The following FAM149A variants were observed in gnomAD, a reference collection of about 807,000 sequenced individuals.
FAM149A encodes the protein protein FAM149A.
Under a neutral mutation model 78.2 loss-of-function variants are expected in FAM149A, and 71 were observed. The observed-to-expected ratio is 0.91, with a 90% CI of 0.75 to 1.11. The LOEUF is 1.11. Ranked by LOEUF, FAM149A falls within the 50% of genes least tolerant of loss-of-function variation. FAM149A has a pLI of 0.00. For synonymous variants in FAM149A, 446 were observed against 410.5 expected (o/e 1.09, Z -1.04); for missense variants, 1,036 against 971.0 (o/e 1.07, Z -0.89).
rs575756168 is a variant in FAM149A, at chr4:186,105,457, G to A, written c.381G>A (p.Ala127=). The A allele has an allele frequency of 2.5e-6, 3 of 1,214,960 alleles. No individual in the cohort carries two copies. The highest frequency in any genetic ancestry group is 3.1e-6 in the Non-Finnish European group (3 of 958,286). 75.3% of individuals were successfully genotyped at this position (1,214,960 alleles called of 1,614,324 possible). Residue 127 remains alanine (A), a synonymous_variant, in exon 1 of 14, where the codon GCG becomes GCA. Transcript: ENST00000389354. ...CCCCTGCTCGCCTGGTGGTCCCAGC[G>A]CGGCCGCCCTCGGGCCCCGGCGGGG...
chr4:186,149,132 A>G (rs1291550340), intron 1 of FAM149A, 41 bp from the exon 2 acceptor site: 1 of 1,245,276 alleles, frequency 8.0e-7, no homozygotes, highest in Non-Finnish European at 1.0e-6. Flanking sequence ...AAACTATATT[A>G]TTACATTAGG....
intron 1 of FAM149A, chr4:186,130,287 C>CTATA (rs1324375458): frequency 5.2e-5 from 2 of 38,226 alleles, no homozygotes; most frequent in African/African-American, 1.5e-4. Context: ...CTCTCTCTCT[C>CTATA]TCTCTCTATA....
At chr4:186,160,446 C>T (rs1734486358) in intron 8 of FAM149A, among the ~76,000 whole-genome samples, 1 of 148,970 alleles carries the variant, frequency 6.7e-6, no homozygotes, top group African/African-American at 2.5e-5. Context: ...ACATATATCC[C>T]ACACAAACAC....
intron 1 of FAM149A, chr4:186,117,675 G>A: frequency 2.0e-6 from 2 of 982,404 alleles, no homozygotes; most frequent in Non-Finnish European, 2.4e-6. Flanking sequence ...ACTAGGGAGA[G>A]CCTGGATACT....
intron 1 of FAM149A, chr4:186,127,523 T>G (rs1009066448): frequency 6.8e-5 from 67 of 985,306 alleles, no homozygotes; most frequent in Non-Finnish European, 8.1e-5. Context: ...GCTTTCAACG[T>G]TTGTTTTCTG....
At chr4:186,132,109 G>A (rs1031899400) in intron 1 of FAM149A, 18 of 985,258 alleles carry the variant, frequency 1.8e-5, no homozygotes, top group Non-Finnish European at 2.2e-5. Context: ...CACAGCAGAG[G>A]CTTGGTGATG....
Position 186,173,767 on chromosome 4 carries a change from G to A in FAM149A, c.*1780G>A, listed in dbSNP as rs540739204. The stretch of plus-strand genomic sequence containing the variant: ...TCCGTGGTCACAGCTCCATGTGTCC[G>A]GGGAAGATTGCTAATGCTTAGTTTC... On this transcript the variant is annotated 3_prime_UTR_variant, in exon 14 of 14. Transcript: ENST00000389354. Among the ~76,000 whole-genome samples the A allele has an allele frequency of 9.8e-5, 11 of 112,794 alleles. 3 individuals carry two copies. In the East Asian group the frequency reaches 1.1e-3, roughly 11 times the overall value. 74.0% of individuals were successfully genotyped at this position (112,794 alleles called of 152,430 possible).
chr4:186,152,845 A>G (rs548994087), intron 4 of FAM149A, among the ~76,000 whole-genome samples: 2 of 152,226 alleles, frequency 1.3e-5, no homozygotes, highest in Admixed American at 1.3e-4. Flanking sequence ...CGCCCGGCCA[A>G]AGGCAAGCTT....
chr4:186,135,451 G>A (rs1426735283), intron 1 of FAM149A, among the ~76,000 whole-genome samples: 1 of 152,170 alleles, frequency 6.6e-6, no homozygotes. Context: ...AAACCATGAT[G>A]TAGTGAATAC....
In FAM149A at chr4:186,164,988, G is replaced by A. The variant is rs1360864476; in HGVS notation, c.1890-356G>A. 6.6e-6 allele frequency among the ~76,000 whole-genome samples: 1 copy of A among 152,030 alleles called. No individual in the cohort carries two copies. Among genetic ancestry groups the A allele is most frequent in the Admixed American group, 6.5e-5 (1 of 15,268 alleles). ...ACGAGGGAAGCTGTGGCTTCAGAGG[G>A]GCCAGTGCCCACCCCCTTTGGTGAT... On this transcript the variant is annotated intron_variant, in intron 10 of 13. Transcript: ENST00000389354. This position sits in a 1 kb window ranked among gnomAD's most constrained non-coding sequence, Gnocchi z 4.0.
At chr4:186,124,153 A>G in intron 1 of FAM149A, 2 of 985,418 alleles carry the variant, frequency 2.0e-6, no homozygotes, top group Non-Finnish European at 2.4e-6. Context: ...CATCTACAGA[A>G]TAATCCTGTG....
At position 186,134,149 on chromosome 4, in the gene FAM149A, CTTTT is replaced by C. The variant is rs1374736028; in HGVS notation, c.567-15022_567-15019del. ...TCACCAAAACTTACTTTCTTTATCTCTTTTTAAACAGCCACTCTAATGAGTTTAA... is the reference window on the plus strand; with the variant it reads ...TCACCAAAACTTACTTTCTTTATCTCTAAACAGCCACTCTAATGAGTTTAA... On this transcript the variant is annotated intron_variant, in intron 1 of 13. Coordinates refer to ENST00000389354, the MANE Select transcript of FAM149A (RefSeq NM_001367768.3). Among the ~76,000 whole-genome samples the C allele has an allele frequency of 3.9e-5, 6 of 152,290 alleles. No homozygotes were observed. In the South Asian group the frequency reaches 1.2e-3, roughly 32 times the overall value.
rs1423637512 is a variant in FAM149A, at chr4:186,158,439, C to T, written c.1575+720C>T. 11 of 1,152,038 alleles carry T rather than the reference C, an allele frequency of 9.5e-6. No individual in the cohort carries two copies. In the East Asian group the frequency reaches 6.7e-4, roughly 71 times the overall value. 71.4% of individuals were successfully genotyped at this position (1,152,038 alleles called of 1,614,324 possible). ...CTCAGGGAGTTCTGGGCATGCGTGA[C>T]ACCATCCCCCAGGAACACCCATGGG... is the stretch of plus-strand genomic sequence containing the variant. On this transcript the variant is annotated intron_variant, in intron 8 of 13. Coordinates refer to ENST00000389354, the MANE Select transcript of FAM149A (RefSeq NM_001367768.3).
At chr4:186,117,363 T>C (rs1464068316) in intron 1 of FAM149A, 10 of 912,302 alleles carry the variant, frequency 1.1e-5, no homozygotes, top group Non-Finnish European at 1.3e-5. Context: ...GGGAAAGAAC[T>C]GGAAATGGAT....
intron 13 of FAM149A, chr4:186,169,856 T>C: frequency 1.0e-6 from 1 of 985,446 alleles, no homozygotes; most frequent in Non-Finnish European, 1.2e-6. Context: ...TCTTAACTAC[T>C]GACCCAAGAC....
chr4:186,158,886 G>C, intron 8 of FAM149A: 2 of 767,230 alleles, frequency 2.6e-6, no homozygotes, highest in African/African-American at 3.8e-5. Flanking sequence ...TGGAAATAAG[G>C]CCGATGGAAA....
In FAM149A at chr4:186,144,764, G is replaced by T. The variant is rs995225931; in HGVS notation, c.567-4409G>T. On this transcript the variant is annotated intron_variant, in intron 1 of 13. Coordinates refer to ENST00000389354, the MANE Select transcript of FAM149A (RefSeq NM_001367768.3). The surrounding 1 kb of genome is among the most constrained non-coding windows in gnomAD (Gnocchi z 4.2). ...GCCGGGGCCCGGAGCGGGGATGGGCGGGCGCAGCCGGGATTAGCTGGCGGG... is the reference window on the plus strand; with the variant it reads ...GCCGGGGCCCGGAGCGGGGATGGGCTGGCGCAGCCGGGATTAGCTGGCGGG... 2.1e-6 allele frequency: 2 copies of T among 949,592 alleles called. No homozygotes were observed. The highest frequency in any genetic ancestry group is 2.5e-6 in the Non-Finnish European group (2 of 797,072). 58.8% of individuals were successfully genotyped at this position (949,592 alleles called of 1,614,324 possible). A position where few individuals can be genotyped will look rare whatever the true frequency, so the allele number is the denominator to read the frequency against.
chr4:186,165,391 G>A lies in FAM149A; in HGVS notation c.1937G>A (p.Arg646Gln), dbSNP rs746321185. 7.4e-6 allele frequency: 12 copies of A among 1,614,000 alleles called. No homozygotes were observed. Among genetic ancestry groups the A allele is most frequent in the Admixed American group, 1.7e-5 (1 of 60,004 alleles). ...GCTTCCCCACTGGTTCAAACGTCAC[G>A]GAGCAGGTTCCCCCCGCTAGTCACG... The change falls in exon 11 of 14, where the codon CGG becomes CAG. Residue 646 changes from arginine (R) to glutamine (Q), a missense_variant. Around this residue, in one of 3 missense-constraint regions of FAM149A, gnomAD observed 716 missense variants for 711.8 expected, o/e 1.01. Transcript: ENST00000389354.
At chr4:186,146,261 G>C (rs1733025426) in intron 1 of FAM149A, among the ~76,000 whole-genome samples, 1 of 152,194 alleles carries the variant, frequency 6.6e-6, no homozygotes, top group Admixed American at 6.5e-5. Flanking sequence ...CTTAAAAGGA[G>C]ATACAGAGGG....
Sources: gnomAD v4.1 joint callset for allele counts (sites outside exome capture counted in the v4.1 genomes callset) on GRCh38, gnomAD v4.1.1 for gene constraint, gnomAD v4.1.1 regional missense constraint, Gnocchi (gnomAD v3.1) non-coding constraint, MANE v1.5 for transcripts, NCBI Gene and HGNC (gene_info 2026-07-23, HGNC 2026-07-21) for gene names.